Variants in PRKCA observed in about 807,000 individuals in gnomAD.
The protein encoded by PRKCA is protein kinase C alpha, also known as protein kinase C alpha type.
In PRKCA, 27 loss-of-function variants were observed where a neutral mutation model predicts 87.0. The ratio of observed to expected loss-of-function variants is 0.31; its 90% CI spans 0.23 to 0.43. The LOEUF (loss-of-function observed/expected upper bound fraction) is 0.43. Among genes scored for constraint, PRKCA ranks in the 20% least tolerant of loss-of-function variants. PRKCA has a pLI of 1.00. For synonymous variants in PRKCA, 329 were observed against 311.1 expected (o/e 1.06, Z -0.61); for missense variants, 518 against 852.3 (o/e 0.61, Z 4.88).
At chr17:66,399,080 A>ATTTTCTTGTC (rs1910851815) in intron 2 of PRKCA, among the ~76,000 whole-genome samples, 2 of 123,758 alleles carry the variant, frequency 1.6e-5, no homozygotes, top group Admixed American at 1.9e-4. Context: ...GGTAGACAGC[A>ATTTTCTTGTC]TTTTCTTTTC....
chr17:66,646,267 A>C (rs929321896), intron 5 of PRKCA, among the ~76,000 whole-genome samples: 4 of 152,196 alleles, frequency 2.6e-5, no homozygotes, highest in Admixed American at 2.6e-4. Context: ...GCTCTGCCAC[A>C]ACATGGCTTT....
At chr17:66,546,666 G>T (rs1330321876) in intron 3 of PRKCA, among the ~76,000 whole-genome samples, 1 of 152,056 alleles carries the variant, frequency 6.6e-6, no homozygotes. Flanking sequence ...TCCAATATTG[G>T]CCTCATGTTA....
In PRKCA at chr17:66,435,151, C is replaced by T. The variant is rs547543447; in HGVS notation, c.206-61050C>T. Among the ~76,000 whole-genome samples, 586 of 152,260 alleles carry T rather than the reference C, an allele frequency of 3.8e-3. 4 individuals carry two copies. Among genetic ancestry groups the T allele is most frequent in the Non-Finnish European group, 5.9e-3 (404 of 68,010 alleles). ...GTGCTTGAAATCAGAATGCAATAGA[C>T]GCTTTTGCTAAGCTTGAGGGCAAAG... is the stretch of plus-strand genomic sequence containing the variant. On this transcript the variant is annotated intron_variant, in intron 2 of 16. Coordinates refer to ENST00000413366, the MANE Select transcript of PRKCA (RefSeq NM_002737.3).
intron 3 of PRKCA, among the ~76,000 whole-genome samples, chr17:66,619,509 C>A (rs1970613964): frequency 3.3e-5 from 5 of 152,158 alleles, no homozygotes; most frequent in Admixed American, 3.3e-4. Context: ...GCCTATTTTC[C>A]CCATGGGAAG....
intron 3 of PRKCA, among the ~76,000 whole-genome samples, chr17:66,539,741 G>A (rs1032799754): frequency 2.6e-5 from 4 of 152,272 alleles, no homozygotes; most frequent in Middle Eastern, 3.4e-3. Context: ...ACTTTTAGAT[G>A]AGAGTTTTAC....
Position 66,483,451 on chromosome 17 carries a change from T to TTGTTA in PRKCA, c.206-12749_206-12748insGTTAT, listed in dbSNP as rs1555609884. Among the ~76,000 whole-genome samples, 6 of 148,156 alleles carry TTGTTA rather than the reference T, an allele frequency of 4.0e-5. No individual in the cohort carries two copies. The East Asian group carries it at 8.1e-4, about 20-fold the overall frequency. On this transcript the variant is annotated intron_variant, in intron 2 of 16. Coordinates refer to ENST00000413366, the MANE Select transcript of PRKCA (RefSeq NM_002737.3). ...ATGTCCAAATTTCCCCTTGCCTTTA[T>TTGTTA]TTTTATTTTATTTTATTTTATTTTA...
chr17:66,729,395 ACT>A (rs760469151), intron 8 of PRKCA, among the ~76,000 whole-genome samples: 8 of 152,204 alleles, frequency 5.3e-5, no homozygotes, highest in South Asian at 4.2e-4. Context: ...CAAGAGTGAA[ACT>A]CTGTCTCAAA....
intron 16 of PRKCA, 57 bp downstream of exon 16, chr17:66,789,036 A>G (rs2144386023): frequency 6.2e-7 from 1 of 1,602,730 alleles, no homozygotes; most frequent in African/African-American, 1.4e-5. Context: ...TTCTGGGAGT[A>G]TCCCACTCAC....
intron 2 of PRKCA, among the ~76,000 whole-genome samples, chr17:66,317,391 A>T (rs926552189): frequency 1.3e-5 from 2 of 152,202 alleles, no homozygotes; most frequent in Non-Finnish European, 2.9e-5. Context: ...ACAAGTTTAC[A>T]TGATACTGCT....
chr17:66,746,783 A>C (rs904220999), intron 13 of PRKCA, among the ~76,000 whole-genome samples: 8 of 152,220 alleles, frequency 5.3e-5, no homozygotes, highest in African/African-American at 1.7e-4. Context: ...TTGCTTTGAC[A>C]TAGAAAGAAT....
chr17:66,712,026 C>G (rs938962905), intron 8 of PRKCA, among the ~76,000 whole-genome samples: 4 of 152,196 alleles, frequency 2.6e-5, no homozygotes, highest in African/African-American at 9.6e-5. Context: ...CCACCCCGCC[C>G]TTGTCTGTGT....
chr17:66,753,610 C>T (rs924978210), intron 13 of PRKCA, among the ~76,000 whole-genome samples: 1 of 152,132 alleles, frequency 6.6e-6, no homozygotes, highest in Non-Finnish European at 1.5e-5. Flanking sequence ...CCCACGCCCC[C>T]ACCCCACAAA....
At chr17:66,574,848 G>A (rs1409770852) in intron 3 of PRKCA, among the ~76,000 whole-genome samples, 1 of 152,076 alleles carries the variant, frequency 6.6e-6, no homozygotes, top group African/African-American at 2.4e-5. Context: ...ATTAGGCACA[G>A]TAAGAGATTA....
intron 2 of PRKCA, among the ~76,000 whole-genome samples, chr17:66,406,584 G>GTTTTTTTTTTT (rs1242757426): frequency 2.3e-4 from 5 of 21,294 alleles, no homozygotes; most frequent in Non-Finnish European, 8.0e-4. Flanking sequence ...AGCTTTTCCA[G>GTTTTTTTTTTT]GTTTTTTTTT....
intron 2 of PRKCA, among the ~76,000 whole-genome samples, chr17:66,491,959 G>A (rs527238699): frequency 5.3e-5 from 8 of 152,178 alleles, no homozygotes; most frequent in African/African-American, 1.2e-4. Flanking sequence ...TTCCCCTCAC[G>A]GTAAGTGGGG....
chr17:66,749,008 G>A (rs950346656), intron 13 of PRKCA, among the ~76,000 whole-genome samples: 5 of 151,180 alleles, frequency 3.3e-5, no homozygotes, highest in African/African-American at 4.9e-5. Flanking sequence ...CAGGACGGGC[G>A]GGTATTAGGT....
In PRKCA at chr17:66,704,469, G is replaced by T. The variant is rs141591060; in HGVS notation, c.918+15422G>T. Reference sequence around the variant, plus strand: ...GGAGCAAAAAAATAATCTCAAGCTAGCTTAACAATGGCTTCTGTCCAAACT... The same window carrying T: ...GGAGCAAAAAAATAATCTCAAGCTATCTTAACAATGGCTTCTGTCCAAACT... On this transcript the variant is annotated intron_variant, in intron 8 of 16. Transcript: ENST00000413366. 5.6e-3 allele frequency among the ~76,000 whole-genome samples: 852 copies of T among 152,276 alleles called. 13 individuals are homozygous for T. Among genetic ancestry groups the T allele is most frequent in the African/African-American group, 0.019 (796 of 41,546 alleles).
chr17:66,743,570 AT>A (rs1236692341), intron 13 of PRKCA, among the ~76,000 whole-genome samples: 5 of 151,888 alleles, frequency 3.3e-5, no homozygotes, highest in Non-Finnish European at 5.9e-5. Context: ...CTTACAGAGG[AT>A]TTTTTTTCCT....
At chr17:66,539,528 T>C (rs1810259) in intron 3 of PRKCA, among the ~76,000 whole-genome samples, 88,256 of 151,586 alleles carry the variant, frequency 0.58, 27,446 homozygotes, top group African/African-American at 0.81. Flanking sequence ...CTCAGCCTCC[T>C]GAGTAGCTGG....
Sources: gnomAD v4.1 joint callset for allele counts (sites outside exome capture counted in the v4.1 genomes callset) on GRCh38, gnomAD v4.1.1 for gene constraint, MANE v1.5 for transcripts, NCBI Gene and HGNC (gene_info 2026-07-23, HGNC 2026-07-21) for gene names.